RIMS1: variants seen among roughly 807,000 people sequenced by gnomAD.
The protein encoded by RIMS1 is regulating synaptic membrane exocytosis 1, also known as regulating synaptic membrane exocytosis protein 1.
A neutral mutation model predicts 214.1 loss-of-function variants in RIMS1; 83 were observed. The ratio of observed to expected loss-of-function variants is 0.39; its 90% CI spans 0.32 to 0.47. The LOEUF (loss-of-function observed/expected upper bound fraction) is 0.47, where lower values mean the gene tolerates loss of function less well. Among genes scored for constraint, RIMS1 ranks in the 20% least tolerant of loss-of-function variants. The pLI is 0.99. For missense variants in RIMS1, 2,050 were observed against 2,161.8 expected, an observed-to-expected ratio of 0.95 and a Z score of 1.03; for synonymous variants, 793 against 786.8, an observed-to-expected ratio of 1.01 and a Z score of -0.13.
At chr6:71,897,989 C>T (rs193248902) in intron 1 of RIMS1, among the ~76,000 whole-genome samples, 172 of 152,124 alleles carry the variant, frequency 1.1e-3, no homozygotes, top group African/African-American at 3.6e-3. Flanking sequence ...TTTTAGTTAT[C>T]GAGAGAACCA....
Position 72,265,435 on chromosome 6 carries a change from G to T in RIMS1, c.3240G>T (p.Gln1080His), listed in dbSNP as rs2080062426. The change falls in exon 21 of 34, where the codon CAG becomes CAT. Residue 1080 changes from glutamine (Q) to histidine (H), a missense_variant. Physicochemically the swap from Gln to His is conservative, Grantham distance 24. Around this residue, in one of 6 missense-constraint regions of RIMS1, gnomAD observed 889 missense variants for 885.5 expected, o/e 1.00. Coordinates refer to ENST00000521978, the MANE Select transcript of RIMS1 (RefSeq NM_014989.7). ...AHTKTKSVTR[Q>H]DISLHHECFN... The stretch of plus-strand genomic sequence containing the variant: ...CTAAGACCAAATCAGTGACTAGACA[G>T]GACATTTCCCTTCATCATGAATGCT... 2 of 1,610,472 alleles carry T rather than the reference G, an allele frequency of 1.2e-6. No individual in the cohort carries two copies. Among genetic ancestry groups the T allele is most frequent in the Admixed American group, 3.3e-5 (2 of 59,862 alleles).
chr6:72,156,825 AG>A (rs1246082465), intron 4 of RIMS1, among the ~76,000 whole-genome samples: 1 of 141,234 alleles, frequency 7.1e-6, no homozygotes. Context: ...AATGCTTACA[AG>A]TGCGAAAGCA....
At chr6:72,121,430 C>G (rs888005310) in intron 4 of RIMS1, among the ~76,000 whole-genome samples, 1 of 151,780 alleles carries the variant, frequency 6.6e-6, no homozygotes, top group Non-Finnish European at 1.5e-5. Context: ...AATGGGAGTT[C>G]ACTCATGATT....
Position 72,300,157 on chromosome 6 carries a change from C to A in RIMS1, c.3851-7101C>A, listed in dbSNP as rs74792825. ...AACTTCAGGATCCCAGAGGGTTAAG[C>A]AGATTGATTAGAAAAATTCAGAAGT... On this transcript the variant is annotated intron_variant, in intron 26 of 33. Transcript: ENST00000521978. Among the ~76,000 whole-genome samples the A allele has an allele frequency of 7.0e-3, 1,057 of 151,864 alleles. 8 individuals carry two copies. Among genetic ancestry groups the A allele is most frequent in the Non-Finnish European group, 0.013 (870 of 67,776 alleles).
intron 2 of RIMS1, among the ~76,000 whole-genome samples, chr6:72,008,390 C>T (rs9446539): frequency 0.017 from 2,576 of 152,212 alleles, 74 homozygotes; most frequent in African/African-American, 0.048. Flanking sequence ...TAAAGACCGT[C>T]GAGGCTAGGA....
Position 72,274,436 on chromosome 6 carries a change from C to G in RIMS1, c.3482+4C>G, listed in dbSNP as rs771365935. The stretch of plus-strand genomic sequence containing the variant: ...ATGCGTCTCCGGAGAATGACAGGTA[C>G]TAGTCAACTCCTCCTCACAGACAAG... On this transcript the variant is annotated splice_donor_region_variant and intron_variant, in intron 23 of 33. Transcript: ENST00000521978. The G allele has an allele frequency of 1.2e-6, 2 of 1,608,352 alleles. No homozygotes were observed. The highest frequency in any genetic ancestry group is 4.5e-5 in the East Asian group (2 of 44,848).
intron 2 of RIMS1, among the ~76,000 whole-genome samples, chr6:71,998,662 T>C (rs1359150622): frequency 6.6e-6 from 1 of 152,220 alleles, no homozygotes; most frequent in Non-Finnish European, 1.5e-5. Flanking sequence ...TCTATCTGCA[T>C]GCCGATAGTT....
chr6:72,200,180 C>T (rs2051690091), intron 6 of RIMS1, among the ~76,000 whole-genome samples: 1 of 152,118 alleles, frequency 6.6e-6, no homozygotes, highest in Non-Finnish European at 1.5e-5. Flanking sequence ...AGTGGGTTCA[C>T]ATGGAACTGT....
chr6:71,923,416 G>C (rs1780605156), intron 1 of RIMS1, among the ~76,000 whole-genome samples: 1 of 152,156 alleles, frequency 6.6e-6, no homozygotes, highest in East Asian at 1.9e-4. Flanking sequence ...TGGGAGCACT[G>C]TCTTTCTCAG....
chr6:72,215,385 A>G (rs1393792521), intron 6 of RIMS1, among the ~76,000 whole-genome samples: 1 of 152,242 alleles, frequency 6.6e-6, no homozygotes, highest in Non-Finnish European at 1.5e-5. Context: ...AAGTAATTCA[A>G]CAAAATAATT....
intron 31 of RIMS1, among the ~76,000 whole-genome samples, chr6:72,395,380 A>G (rs1288133019): frequency 6.6e-6 from 1 of 152,010 alleles, no homozygotes; most frequent in Non-Finnish European, 1.5e-5. Context: ...ATCTCAAGTC[A>G]TGAAGAAGAA....
chr6:72,241,208 CT>C (rs1450877665), intron 9 of RIMS1, among the ~76,000 whole-genome samples: 1 of 152,100 alleles, frequency 6.6e-6, no homozygotes, highest in African/African-American at 2.4e-5. Flanking sequence ...AGATTTTATG[CT>C]TATACTTGGC....
In RIMS1 at chr6:72,048,827, G is replaced by T. The variant is rs576743337; in HGVS notation, c.246-48122G>T. Among the ~76,000 whole-genome samples, 3 of 152,280 alleles carry T rather than the reference G, an allele frequency of 2.0e-5. No individual in the cohort carries two copies. The South Asian group carries it at 6.2e-4, about 32-fold the overall frequency. On this transcript the variant is annotated intron_variant, in intron 2 of 33. Coordinates refer to ENST00000521978, the MANE Select transcript of RIMS1 (RefSeq NM_014989.7). ...CTGGAGTTAAAATATTTGAGGAAGG[G>T]GTGGACTGCAGTCTGTATAAGCCCT...
intron 29 of RIMS1, among the ~76,000 whole-genome samples, chr6:72,387,378 T>A (rs2807518): frequency 0.02 from 3,116 of 152,302 alleles, 88 homozygotes; most frequent in African/African-American, 0.069. Context: ...CTGTCTTGGA[T>A]AAACACTTGT....
rs555537934 is a variant in RIMS1, at chr6:72,273,522, G to T, written c.3399-827G>T. ...GTCTGTGCACAGACAGAATCTAAAGGTAGCTTAACAAAGGAATGAAACAGT... is the reference window on the plus strand; with the variant it reads ...GTCTGTGCACAGACAGAATCTAAAGTTAGCTTAACAAAGGAATGAAACAGT... On this transcript the variant is annotated intron_variant, in intron 22 of 33. Coordinates refer to ENST00000521978, the MANE Select transcript of RIMS1 (RefSeq NM_014989.7). Among the ~76,000 whole-genome samples the T allele has an allele frequency of 2.0e-5, 3 of 152,100 alleles. No individual in the cohort carries two copies. The South Asian group carries it at 6.2e-4, about 32-fold the overall frequency.
Position 72,179,663 on chromosome 6 carries a change from C to T in RIMS1, c.560C>T (p.Thr187Ile), listed in dbSNP as rs917047789. ...AWFFGSGPQQ[T>I]SQDGTLSDTA... ...TTCTTTGGAAGTGGCCCTCAGCAGACAAGTCAGGATGGAACCCTGAGTGAT... is the reference window on the plus strand; with the variant it reads ...TTCTTTGGAAGTGGCCCTCAGCAGATAAGTCAGGATGGAACCCTGAGTGAT... Residue 187 changes from threonine (T) to isoleucine (I), a missense_variant, in exon 5 of 34, where the codon ACA becomes ATA. Physicochemically the swap from Thr to Ile is moderately conservative, Grantham distance 89 (BLOSUM62 -1). Transcript: ENST00000521978. 1 of 1,613,808 alleles carries T rather than the reference C, an allele frequency of 6.2e-7. No homozygotes were observed. The highest frequency in any genetic ancestry group is 8.5e-7 in the Non-Finnish European group (1 of 1,179,898).
rs1005045023 is a variant in RIMS1, at chr6:72,182,611, G to A, written c.1140G>A (p.Arg380=). The A allele has an allele frequency of 1.3e-6, 2 of 1,547,514 alleles. No individual in the cohort carries two copies. Among genetic ancestry groups the A allele is most frequent in the Non-Finnish European group, 1.7e-6 (2 of 1,146,398 alleles). The change falls in exon 6 of 34, where the codon CGG becomes CGA. Residue 380 remains arginine, a synonymous_variant. Transcript: ENST00000521978. ...AGCAGCAGATGCGCATGCACGCCCG[G>A]GTGTCCCGCGCCAGGCACGAGCGGC... ...PEEQQMRMHA[R]VSRARHERRH...
chr6:72,269,562 G>C (rs1400909597), intron 22 of RIMS1, among the ~76,000 whole-genome samples: 1 of 152,064 alleles, frequency 6.6e-6, no homozygotes, highest in Non-Finnish European at 1.5e-5. Context: ...TCCCTTTACA[G>C]CAAAATCCTT....
chr6:72,342,262 T>C (rs1480044888), intron 29 of RIMS1, among the ~76,000 whole-genome samples: 1 of 151,822 alleles, frequency 6.6e-6, no homozygotes, highest in Non-Finnish European at 1.5e-5. Flanking sequence ...TCTCTGACCA[T>C]CTCATTCATC....
Sources: gnomAD v4.1 joint callset for allele counts (sites outside exome capture counted in the v4.1 genomes callset) on GRCh38, gnomAD v4.1.1 for gene constraint, gnomAD v4.1.1 regional missense constraint, MANE v1.5 for transcripts, NCBI Gene and HGNC (gene_info 2026-07-23, HGNC 2026-07-21) for gene names.